The following CDA variants were observed in gnomAD, a reference collection of about 807,000 sequenced individuals.
CDA encodes cytidine aminohydrolase.
CDA carries 7 observed loss-of-function variants against 15.0 expected under a neutral mutation model. The observed-to-expected ratio is 0.47, with a 90% CI of 0.26 to 0.87. The LOEUF (loss-of-function observed/expected upper bound fraction) is 0.87, where lower values mean the gene tolerates loss of function less well. CDA is among the 40% of genes least tolerant of loss of function. The pLI is 0.15. For synonymous variants in CDA, 58 were observed against 73.0 expected, an observed-to-expected ratio of 0.79 and a Z score of 1.05; for missense variants, 159 against 182.7, an observed-to-expected ratio of 0.87 and a Z score of 0.75.
At chr1:20,613,190 G>A (rs1209334766) in intron 2 of CDA, among the ~76,000 whole-genome samples, 1 of 148,478 alleles carries the variant, frequency 6.7e-6, no homozygotes, top group Non-Finnish European at 1.5e-5. Context: ...CCCTCATACT[G>A]TGTGTTCCTT....
chr1:20,614,530 C>G (rs781747464), intron 3 of CDA, among the ~76,000 whole-genome samples: 24 of 152,226 alleles, frequency 1.6e-4, no homozygotes, highest in Non-Finnish European at 2.5e-4. Flanking sequence ...TATTTACTGT[C>G]TGGTCCTTGA....
chr1:20,592,750 T>C (rs929004480), intron 1 of CDA, among the ~76,000 whole-genome samples: 9 of 152,192 alleles, frequency 5.9e-5, no homozygotes, highest in African/African-American at 2.2e-4. Flanking sequence ...AAAGGAATGA[T>C]CCGAGAGATA....
At chr1:20,605,387 C>T (rs908527595) in intron 2 of CDA, among the ~76,000 whole-genome samples, 3 of 151,918 alleles carry the variant, frequency 2.0e-5, no homozygotes, top group Admixed American at 6.6e-5. Context: ...GAGCCAGGCG[C>T]GGTGGCTCAC....
chr1:20,609,891 G>A (rs532353144), intron 2 of CDA, among the ~76,000 whole-genome samples: 34 of 152,218 alleles, frequency 2.2e-4, no homozygotes, highest in East Asian at 7.7e-4. Flanking sequence ...AGCTGGAAGC[G>A]TCCTCAGAGA....
At chr1:20,595,615 G>C (rs1467727954) in intron 1 of CDA, among the ~76,000 whole-genome samples, 3 of 152,172 alleles carry the variant, frequency 2.0e-5, no homozygotes, top group Non-Finnish European at 2.9e-5. Context: ...CCTCTCCACT[G>C]TCACTCAAAA....
chr1:20,594,452 C>T (rs2052574443), intron 1 of CDA, among the ~76,000 whole-genome samples: 1 of 151,770 alleles, frequency 6.6e-6, no homozygotes. Flanking sequence ...AGTGAGGACA[C>T]AAAGAGGAGA....
At chr1:20,599,329 G>T (rs1308876105) in intron 1 of CDA, among the ~76,000 whole-genome samples, 2 of 152,082 alleles carry the variant, frequency 1.3e-5, no homozygotes, top group African/African-American at 4.8e-5. Context: ...GTCATAAGAA[G>T]GATTTCAGGC....
At chr1:20,608,139 A>T (rs1273169068) in intron 2 of CDA, among the ~76,000 whole-genome samples, 5 of 152,176 alleles carry the variant, frequency 3.3e-5, no homozygotes, top group Non-Finnish European at 7.3e-5. Flanking sequence ...AAACATCCTG[A>T]GGCAGCCAGC....
chr1:20,594,107 T>G (rs2052571317), intron 1 of CDA, among the ~76,000 whole-genome samples: 1 of 152,178 alleles, frequency 6.6e-6, no homozygotes, highest in Non-Finnish European at 1.5e-5. Context: ...TGTGACTTTC[T>G]CCAGCTAAAC....
chr1:20,610,273 TATTTTA>T (rs2052735581), intron 2 of CDA, among the ~76,000 whole-genome samples: 2 of 132,750 alleles, frequency 1.5e-5, no homozygotes, highest in Non-Finnish European at 1.7e-5. Context: ...TTTTTTTTTT[TATTTTA>T]TTTTATTTTT....
At chr1:20,604,298 C>T (rs925065468) in intron 1 of CDA, among the ~76,000 whole-genome samples, 3 of 152,176 alleles carry the variant, frequency 2.0e-5, no homozygotes, top group African/African-American at 7.2e-5. Context: ...GTCCAGGGTT[C>T]AAGGCACTGG....
chr1:20,608,393 AGTTTT>A (rs78313074), intron 2 of CDA, among the ~76,000 whole-genome samples: 69 of 104,996 alleles, frequency 6.6e-4, no homozygotes, highest in East Asian at 2.7e-3. Context: ...ACTATTATAT[AGTTTT>A]GTTTTGTTTT....
intron 1 of CDA, among the ~76,000 whole-genome samples, chr1:20,595,294 A>T (rs2052583019): frequency 6.6e-6 from 1 of 152,022 alleles, no homozygotes; most frequent in African/African-American, 2.4e-5. Context: ...TAACCACTGA[A>T]TCCAGCCTAC....
chr1:20,602,890 A>C (rs978720815), intron 1 of CDA, among the ~76,000 whole-genome samples: 1 of 152,228 alleles, frequency 6.6e-6, no homozygotes, highest in Non-Finnish European at 1.5e-5. Flanking sequence ...GCATTTTCCT[A>C]ACTGGCTCCC....
At chr1:20,603,625 G>A (rs1346374464) in intron 1 of CDA, among the ~76,000 whole-genome samples, 1 of 152,214 alleles carries the variant, frequency 6.6e-6, no homozygotes, top group African/African-American at 2.4e-5. Flanking sequence ...GTCCCTAGCT[G>A]AGCGGCCATG....
At chr1:20,592,726 G>A (rs1362271478) in intron 1 of CDA, among the ~76,000 whole-genome samples, 1 of 152,208 alleles carries the variant, frequency 6.6e-6, no homozygotes, top group African/African-American at 2.4e-5. Flanking sequence ...GACTGGGACA[G>A]GTAGAATGAA....
At chr1:20,593,231 G>A (rs894953030) in intron 1 of CDA, among the ~76,000 whole-genome samples, 3 of 152,202 alleles carry the variant, frequency 2.0e-5, no homozygotes, top group South Asian at 2.1e-4. Context: ...TGCTGGGGAC[G>A]TGCTGGGCAG....
chr1:20,618,486 C>T lies in CDA; in HGVS notation c.359C>T (p.Pro120Leu), dbSNP rs1468700247. The change falls in exon 4 of 4, where the codon CCG (proline) becomes CTG (leucine). Residue 120 changes from proline to leucine, a missense_variant. Coordinates refer to ENST00000375071, the MANE Select transcript of CDA (RefSeq NM_001785.3). ...GTNWPVYMTK[P>L]DGTYIVMTVQ... ...AACTGGCCCGTGTACATGACCAAGC[C>T]GGATGGTACGTATATTGTCATGACG... The T allele has an allele frequency of 5.6e-6, 9 of 1,613,438 alleles. No individual in the cohort carries two copies. Among genetic ancestry groups the T allele is most frequent in the East Asian group, 2.2e-5 (1 of 44,850 alleles).
chr1:20,603,574 C>A (rs1410481829), intron 1 of CDA, among the ~76,000 whole-genome samples: 1 of 152,184 alleles, frequency 6.6e-6, no homozygotes, highest in African/African-American at 2.4e-5. Flanking sequence ...AGAACTGCAT[C>A]ATGTGGCCAC....
Sources: allele counts gnomAD v4.1 joint callset (sites outside exome capture counted in the v4.1 genomes callset), GRCh38; gene constraint gnomAD v4.1.1; transcripts MANE v1.5; gene names NCBI Gene and HGNC (gene_info 2026-07-23, HGNC 2026-07-21).